Variants in DOCK4 observed in about 807,000 individuals in gnomAD.
DOCK4 encodes the protein dedicator of cytokinesis 4.
A neutral mutation model predicts 268.1 loss-of-function variants in DOCK4; 97 were observed. The observed-to-expected ratio is 0.36, with a 90% CI of 0.31 to 0.43. The LOEUF is 0.43. DOCK4 is among the 20% of genes least tolerant of loss of function. The pLI is 1.00. For missense variants in DOCK4, 2,145 were observed against 2,455.7 expected, an observed-to-expected ratio of 0.87 and a Z score of 2.67; for synonymous variants, 954 against 887.2, an observed-to-expected ratio of 1.08 and a Z score of -1.34.
At chr7:111,903,759 C>T (rs191755390) in intron 13 of DOCK4, among the ~76,000 whole-genome samples, 2 of 152,022 alleles carry the variant, frequency 1.3e-5, no homozygotes, top group African/African-American at 4.8e-5. Flanking sequence ...AATGTTTCCA[C>T]GAACAGATGT....
At chr7:111,819,995 C>T (rs935244513) in intron 27 of DOCK4, 13 of 152,316 alleles carry the variant, frequency 8.5e-5, no homozygotes, top group African/African-American at 1.2e-4. Context: ...TGCTCTTTAA[C>T]GTATTTAAGA....
chr7:111,810,842 T>TA (rs554667582), intron 28 of DOCK4, among the ~76,000 whole-genome samples: 12 of 148,104 alleles, frequency 8.1e-5, no homozygotes, highest in Admixed American at 2.0e-4. Context: ...CTACTAAAAA[T>TA]AAAAAAAAAA....
At position 112,100,641 on chromosome 7, in the gene DOCK4, T is replaced by C. The variant is rs1372439241; in HGVS notation, c.38-96510A>G. On this transcript the variant is annotated intron_variant, in intron 1 of 52. Coordinates refer to ENST00000428084, the MANE Select transcript of DOCK4 (RefSeq NM_001363540.2). ...TCCACTCAACATCCAAGATTGCATA[T>C]ATCAAAGTGCATCAGACATGCTGTA... 4.6e-5 allele frequency among the ~76,000 whole-genome samples: 7 copies of C among 152,324 alleles called. 1 individual carries two copies. The South Asian group carries it at 1.2e-3, about 27-fold the overall frequency.
intron 1 of DOCK4, among the ~76,000 whole-genome samples, chr7:112,103,824 G>A (rs1178711760): frequency 6.6e-6 from 1 of 152,210 alleles, no homozygotes; most frequent in Non-Finnish European, 1.5e-5. Flanking sequence ...GAAGGTTGCA[G>A]TGAGCTGAGA....
At chr7:112,074,459 C>CCT (rs1338399620) in intron 1 of DOCK4, among the ~76,000 whole-genome samples, 14 of 152,322 alleles carry the variant, frequency 9.2e-5, no homozygotes, top group Non-Finnish European at 4.4e-5. Context: ...ACAAATTCAT[C>CCT]CTCCTCTGTG....
At chr7:112,196,965 C>T (rs1337628279) in intron 1 of DOCK4, among the ~76,000 whole-genome samples, 2 of 151,998 alleles carry the variant, frequency 1.3e-5, no homozygotes. Flanking sequence ...TTCAAGTATA[C>T]ATTATTGTTA....
intron 1 of DOCK4, among the ~76,000 whole-genome samples, chr7:112,067,231 A>C (rs7809158): frequency 0.24 from 36,679 of 149,798 alleles, 9,252 homozygotes; most frequent in African/African-American, 0.64. Flanking sequence ...GAAAAAAAAA[A>C]CACCTTTACT....
In DOCK4 at chr7:112,042,545, CA is replaced by C. The variant is rs367558869; in HGVS notation, c.38-38415del. Among the ~76,000 whole-genome samples the C allele has an allele frequency of 5.7e-3, 870 of 151,856 alleles. 13 individuals are homozygous for C. Among genetic ancestry groups the C allele is most frequent in the African/African-American group, 0.02 (824 of 41,432 alleles). On this transcript the variant is annotated intron_variant, in intron 1 of 52. Coordinates refer to ENST00000428084, the MANE Select transcript of DOCK4 (RefSeq NM_001363540.2). ...GTTCCATGAATGCCACCACGAATGA[CA>C]AAAAAACAGAGCAAATAAGTCGGGA... is the stretch of plus-strand genomic sequence containing the variant.
chr7:111,882,767 C>T lies in DOCK4; in HGVS notation c.1588-5581G>A, dbSNP rs1807509501. 2.6e-5 allele frequency among the ~76,000 whole-genome samples: 4 copies of T among 152,132 alleles called. No homozygotes were observed. The South Asian group carries it at 8.3e-4, about 32-fold the overall frequency. The stretch of plus-strand genomic sequence containing the variant: ...AGCTGGAATTACATGCATGCACCAC[C>T]ATGCCCAGCTAATTTTGTATGTTTA... On this transcript the variant is annotated intron_variant, in intron 16 of 52. Coordinates refer to ENST00000428084, the MANE Select transcript of DOCK4 (RefSeq NM_001363540.2).
intron 1 of DOCK4, among the ~76,000 whole-genome samples, chr7:112,115,737 A>G (rs1031598349): frequency 6.6e-6 from 1 of 152,156 alleles, no homozygotes; most frequent in Non-Finnish European, 1.5e-5. Flanking sequence ...GCTGGAGTGC[A>G]GTGGTGCGAT....
chr7:112,195,315 G>A (rs532073219), intron 1 of DOCK4, among the ~76,000 whole-genome samples: 1 of 152,150 alleles, frequency 6.6e-6, no homozygotes, highest in African/African-American at 2.4e-5. Flanking sequence ...CTGGAGAAGG[G>A]GCAAACCTTT....
In DOCK4 at chr7:111,863,537, C is replaced by T. The variant is rs746631549; in HGVS notation, c.2308G>A (p.Val770Met). Residue 770 changes from valine to methionine, a missense_variant, in exon 23 of 53, where the codon GTG becomes ATG. This residue lies in a region of DOCK4 where 1,598 missense variants were observed against 1,986.7 expected (regional missense o/e 0.80). Coordinates refer to ENST00000428084, the MANE Select transcript of DOCK4 (RefSeq NM_001363540.2). ...AAGAGCTTCAACAGTTCTGAGTACA[C>T]GGCAGGGAAAGAGCTCAGAAACACA... ...QAVFLSSFPA[V>M]YSELLKLFDV... is the part of the protein sequence containing the mutation. The T allele has an allele frequency of 2.9e-5, 46 of 1,609,274 alleles. No individual in the cohort carries two copies. Among genetic ancestry groups the T allele is most frequent in the South Asian group, 6.6e-5 (6 of 90,628 alleles).
At chr7:111,889,917 G>A (rs528195939) in intron 16 of DOCK4, among the ~76,000 whole-genome samples, 1 of 152,310 alleles carries the variant, frequency 6.6e-6, no homozygotes, top group South Asian at 2.1e-4. Flanking sequence ...TAGCTTGTTT[G>A]AGTTGGGCAC....
intron 45 of DOCK4, 140 bp from the exon 46 acceptor site, chr7:111,741,801 T>C: frequency 7.7e-7 from 1 of 1,302,800 alleles, no homozygotes. Flanking sequence ...AGTTCCAGTA[T>C]TATTTGGCTT....
intron 39 of DOCK4, 77 bp downstream of exon 39, chr7:111,765,041 T>C: frequency 1.5e-6 from 1 of 652,166 alleles, no homozygotes; most frequent in South Asian, 3.2e-5. Context: ...ATATAAAATG[T>C]CATTAACATC....
chr7:111,916,138 A>T (rs1418019714), intron 12 of DOCK4, among the ~76,000 whole-genome samples: 2 of 152,098 alleles, frequency 1.3e-5, no homozygotes, highest in Non-Finnish European at 2.9e-5. Flanking sequence ...AATGAGCAGA[A>T]CTCTAAGAGG....
At chr7:111,747,573 T>A (rs1796358692) in intron 42 of DOCK4, 130 bp from the exon 43 acceptor site, 1 of 849,108 alleles carries the variant, frequency 1.2e-6, no homozygotes, top group African/African-American at 1.7e-5. Context: ...CCAGGGGCCA[T>A]TCCGTAGAAT....
chr7:111,984,466 A>C (rs1798889046), intron 6 of DOCK4, 76 bp from the exon 7 acceptor site: 1 of 1,305,244 alleles, frequency 7.7e-7, no homozygotes, highest in Non-Finnish European at 1.1e-6. Flanking sequence ...GTTTTTTACT[A>C]TATCACTTGG....
chr7:111,941,156 C>T (rs752142149), intron 10 of DOCK4, among the ~76,000 whole-genome samples: 1 of 152,110 alleles, frequency 6.6e-6, no homozygotes, highest in Non-Finnish European at 1.5e-5. Flanking sequence ...AAACACAGCC[C>T]GAAAACCTCT....
Sources: gnomAD v4.1 joint callset for allele counts (sites outside exome capture counted in the v4.1 genomes callset) on GRCh38, gnomAD v4.1.1 for gene constraint, gnomAD v4.1.1 regional missense constraint, MANE v1.5 for transcripts, NCBI Gene and HGNC (gene_info 2026-07-23, HGNC 2026-07-21) for gene names.